Variants in ATP8B4 observed in about 807,000 individuals in gnomAD.
ATP8B4 encodes the protein probable phospholipid-transporting ATPase IM.
A neutral mutation model predicts 145.6 loss-of-function variants in ATP8B4; 133 were observed. The ratio of observed to expected loss-of-function variants is 0.91; its 90% CI spans 0.79 to 1.05. The LOEUF is 1.05. ATP8B4 is among the 50% of genes least tolerant of loss of function. ATP8B4 has a pLI of 0.00. For missense variants in ATP8B4, 1,458 were observed against 1,425.2 expected, an observed-to-expected ratio of 1.02 and a Z score of -0.37; for synonymous variants, 507 against 492.9, an observed-to-expected ratio of 1.03 and a Z score of -0.38.
chr15:49,894,816 G>C (rs1461398296), intron 23 of ATP8B4: 1 of 152,216 alleles, frequency 6.6e-6, no homozygotes, highest in Non-Finnish European at 1.5e-5. Context: ...GGCTCTCTTT[G>C]CTGCACCTGC....
At chr15:50,060,095 C>A (rs1191619584) in intron 3 of ATP8B4, among the ~76,000 whole-genome samples, 2 of 152,072 alleles carry the variant, frequency 1.3e-5, no homozygotes, top group Non-Finnish European at 2.9e-5. Context: ...CTCGGCCGAG[C>A]CAGAGCCATG....
chr15:50,039,648 A>G (rs1421592008), intron 5 of ATP8B4, among the ~76,000 whole-genome samples: 2 of 152,256 alleles, frequency 1.3e-5, no homozygotes, highest in African/African-American at 4.8e-5. Context: ...GCCTACATGC[A>G]CAGATGAATA....
chr15:49,894,831 A>C, intron 23 of ATP8B4: 1 of 152,266 alleles, frequency 6.6e-6, no homozygotes, highest in African/African-American at 2.4e-5. Flanking sequence ...ACCTGCCTCA[A>C]GCATGGGAAA....
In ATP8B4 at chr15:50,026,791, C is replaced by T. The variant is rs527992843; in HGVS notation, c.362+11977G>A. ...CTTCCTGCCTTGTGGGGTAGAAAGA[C>T]AACAGAGGTTCTCACTGCTGTGTTG... is the stretch of plus-strand genomic sequence containing the variant. On this transcript the variant is annotated intron_variant, in intron 6 of 27. Transcript: ENST00000284509. 2.6e-5 allele frequency among the ~76,000 whole-genome samples: 4 copies of T among 152,248 alleles called. No homozygotes were observed. In the East Asian group the frequency reaches 7.7e-4, roughly 29 times the overall value.
chr15:50,126,138 T>TA (rs973660822), intron 1 of ATP8B4, among the ~76,000 whole-genome samples: 2 of 150,202 alleles, frequency 1.3e-5, no homozygotes, highest in African/African-American at 4.9e-5. Flanking sequence ...AGTGTGGGTG[T>TA]GGAGGTGTCA....
At chr15:50,147,111 C>T (rs554177978) in intron 1 of ATP8B4, among the ~76,000 whole-genome samples, 6 of 152,188 alleles carry the variant, frequency 3.9e-5, no homozygotes, top group South Asian at 2.1e-4. Flanking sequence ...AGTACAAATT[C>T]GAGGTCTTTA....
At chr15:50,142,441 C>A (rs150080785) in intron 1 of ATP8B4, among the ~76,000 whole-genome samples, 5 of 152,240 alleles carry the variant, frequency 3.3e-5, no homozygotes, top group African/African-American at 1.2e-4. Context: ...CTGTCACGCC[C>A]CTTCCCACTC....
chr15:50,067,759 C>T (rs1406485845), intron 3 of ATP8B4, among the ~76,000 whole-genome samples: 1 of 152,132 alleles, frequency 6.6e-6, no homozygotes, highest in Non-Finnish European at 1.5e-5. Context: ...CTGTAGCATG[C>T]ACTTTGGGGC....
intron 3 of ATP8B4, among the ~76,000 whole-genome samples, chr15:50,056,566 G>A (rs2052611891): frequency 1.3e-5 from 2 of 152,206 alleles, no homozygotes; most frequent in South Asian, 2.1e-4. Context: ...TCCCCTAGGG[G>A]TGCTCGTTTC....
chr15:49,968,709 G>T (rs1490914364), intron 13 of ATP8B4, among the ~76,000 whole-genome samples: 2 of 152,146 alleles, frequency 1.3e-5, no homozygotes, highest in South Asian at 2.1e-4. Flanking sequence ...ATATTAGACA[G>T]ATCAACGAGA....
chr15:50,098,171 T>C (rs1381616079), intron 2 of ATP8B4, among the ~76,000 whole-genome samples: 2 of 151,272 alleles, frequency 1.3e-5, no homozygotes, highest in South Asian at 2.1e-4. Context: ...GCCATCTAAA[T>C]TGAAATAGTA....
At chr15:49,907,822 A>C (rs146516422) in intron 20 of ATP8B4, among the ~76,000 whole-genome samples, 178 of 152,346 alleles carry the variant, frequency 1.2e-3, no homozygotes, top group African/African-American at 3.9e-3. Context: ...TTTCCCCTGG[A>C]AATTTCTGCT....
At chr15:50,064,498 TACA>T (rs1179657431) in intron 3 of ATP8B4, among the ~76,000 whole-genome samples, 4 of 152,128 alleles carry the variant, frequency 2.6e-5, no homozygotes, top group Non-Finnish European at 4.4e-5. Context: ...TCCTCACAAC[TACA>T]ACACTACCTC....
At chr15:49,934,727 C>A (rs746585109) in intron 14 of ATP8B4, among the ~76,000 whole-genome samples, 3 of 152,032 alleles carry the variant, frequency 2.0e-5, no homozygotes, top group African/African-American at 7.2e-5. Context: ...CTTTCTACAA[C>A]CAGAAAATCC....
intron 1 of ATP8B4, among the ~76,000 whole-genome samples, chr15:50,141,090 C>A (rs2044201886): frequency 6.6e-6 from 1 of 152,014 alleles, no homozygotes; most frequent in Non-Finnish European, 1.5e-5. Flanking sequence ...CCTCCAGGGC[C>A]CATCTTCCTT....
intron 3 of ATP8B4, among the ~76,000 whole-genome samples, chr15:50,048,231 C>T (rs538453725): frequency 1.3e-5 from 2 of 152,050 alleles, no homozygotes; most frequent in South Asian, 2.1e-4. Flanking sequence ...TGAGGGACCA[C>T]CCAAAATTTG....
intron 14 of ATP8B4, among the ~76,000 whole-genome samples, chr15:49,953,503 C>T (rs921237819): frequency 2.0e-5 from 3 of 152,194 alleles, no homozygotes; most frequent in African/African-American, 7.2e-5. Flanking sequence ...ACTACCACAG[C>T]CAGTGTGTTG....
intron 1 of ATP8B4, among the ~76,000 whole-genome samples, chr15:50,158,409 G>A (rs1276803502): frequency 6.7e-5 from 10 of 149,388 alleles, no homozygotes; most frequent in South Asian, 4.2e-4. Flanking sequence ...GCCCCCGCCC[G>A]GCCAGCTGCC....
chr15:49,939,134 AT>A (rs2041961658), intron 14 of ATP8B4, among the ~76,000 whole-genome samples: 1 of 152,134 alleles, frequency 6.6e-6, no homozygotes, highest in Admixed American at 6.6e-5. Flanking sequence ...ATGCTAAACA[AT>A]TTCCTTAAAA....
Sources: gnomAD v4.1 joint callset for allele counts (sites outside exome capture counted in the v4.1 genomes callset) on GRCh38, gnomAD v4.1.1 for gene constraint, MANE v1.5 for transcripts, NCBI Gene and HGNC (gene_info 2026-07-23, HGNC 2026-07-21) for gene names.